The following FMN1 variants were observed in gnomAD, a reference collection of about 807,000 sequenced individuals.
FMN1 encodes the protein formin-1.
In FMN1, 110 loss-of-function variants were observed where a neutral mutation model predicts 132.4. That is an observed-to-expected ratio of 0.83 (90% CI 0.71 to 0.97). The LOEUF is 0.97. Ranked by LOEUF, FMN1 falls within the 50% of genes least tolerant of loss-of-function variation. FMN1 has a pLI of 0.00. For missense variants in FMN1, 1,792 were observed against 1,705.3 expected (o/e 1.05, Z -0.90); for synonymous variants, 722 against 651.7 (o/e 1.11, Z -1.64).
At position 32,804,305 on chromosome 15, in the gene FMN1, C is replaced by G; in HGVS notation, c.3956G>C (p.Ser1319Thr). Residue 1319 changes from serine (S) to threonine (T), a missense_variant, in exon 18 of 21, where the codon AGT becomes ACT. Physicochemically the swap from Ser to Thr is moderately conservative, Grantham distance 58. Coordinates refer to ENST00000616417, the MANE Select transcript of FMN1 (RefSeq NM_001277313.2). ...CCTTTTCTGTGCATTCTCCAAGTGA[C>G]TTTCTTCCATCTTATGCTCTTTTTT... ...KAKKEHKMEESHLENAQKSFE... is the reference protein window; with the variant it reads ...KAKKEHKMEETHLENAQKSFE... 1 of 1,568,616 alleles carries G rather than the reference C, an allele frequency of 6.4e-7. No individual in the cohort carries two copies.
chr15:32,820,518 CAT>C (rs111363062), intron 17 of FMN1, among the ~76,000 whole-genome samples: 8,966 of 151,628 alleles, frequency 0.059, 526 homozygotes, highest in African/African-American at 0.15. Flanking sequence ...TCCCCCAACA[CAT>C]ATATATATAT....
intron 12 of FMN1, among the ~76,000 whole-genome samples, chr15:32,904,254 T>C (rs904371099): frequency 1.3e-5 from 2 of 152,072 alleles, no homozygotes; most frequent in African/African-American, 4.8e-5. Flanking sequence ...CGGAGCCCTG[T>C]GATGCTCACG....
At chr15:32,841,587 C>T (rs1329810332) in intron 17 of FMN1, among the ~76,000 whole-genome samples, 4 of 152,126 alleles carry the variant, frequency 2.6e-5, no homozygotes, top group Admixed American at 6.6e-5. Context: ...ATATTAAAGT[C>T]CTAGGAAATA....
chr15:32,932,146 C>A (rs1190943863), intron 9 of FMN1, among the ~76,000 whole-genome samples: 1 of 152,110 alleles, frequency 6.6e-6, no homozygotes, highest in Non-Finnish European at 1.5e-5. Flanking sequence ...TGCCTGTAAT[C>A]CCAGCACTTT....
chr15:32,880,847 GT>G (rs2059752869), intron 16 of FMN1, among the ~76,000 whole-genome samples: 1 of 152,150 alleles, frequency 6.6e-6, no homozygotes. Context: ...CTAGAAGGGG[GT>G]GAGCTTTTCT....
At chr15:33,073,974 GC>G (rs2038098910) in intron 5 of FMN1, among the ~76,000 whole-genome samples, 3 of 152,204 alleles carry the variant, frequency 2.0e-5, no homozygotes, top group African/African-American at 7.2e-5. Context: ...CAAGTAATCT[GC>G]CCACCTCGGC....
intron 15 of FMN1, among the ~76,000 whole-genome samples, chr15:32,898,050 G>C (rs1054741501): frequency 6.6e-6 from 1 of 152,180 alleles, no homozygotes; most frequent in Admixed American, 6.5e-5. Flanking sequence ...CAGGAGGGTA[G>C]AAGAAAGTAT....
intron 9 of FMN1, among the ~76,000 whole-genome samples, chr15:32,957,314 T>A (rs1212738246): frequency 6.8e-6 from 1 of 146,152 alleles, no homozygotes; most frequent in Non-Finnish European, 1.5e-5. Flanking sequence ...TTTTTTTTTT[T>A]TTTTTTTTTT....
chr15:32,930,784 A>G (rs1374955416), intron 9 of FMN1, among the ~76,000 whole-genome samples: 1 of 151,994 alleles, frequency 6.6e-6, no homozygotes, highest in Non-Finnish European at 1.5e-5. Context: ...TCAATTTTAG[A>G]GGACTTTTCC....
chr15:32,945,932 T>C (rs193021433), intron 9 of FMN1, among the ~76,000 whole-genome samples: 45 of 152,336 alleles, frequency 3.0e-4, no homozygotes, highest in African/African-American at 8.4e-4. Flanking sequence ...TTTGCCGCCA[T>C]TGCCATAATG....
chr15:32,898,016 T>C (rs541060501), intron 15 of FMN1, among the ~76,000 whole-genome samples: 4 of 152,242 alleles, frequency 2.6e-5, no homozygotes, highest in Admixed American at 1.3e-4. Flanking sequence ...TGTAGGTATA[T>C]TGAAAATAGT....
At chr15:33,045,578 A>C (rs1296768157) in intron 6 of FMN1, among the ~76,000 whole-genome samples, 1 of 152,192 alleles carries the variant, frequency 6.6e-6, no homozygotes, top group Non-Finnish European at 1.5e-5. Context: ...AAGTTTCTTC[A>C]TGCAAATTTC....
rs370912908 is a variant in FMN1, at chr15:32,988,693, C to T, written c.2224-19216G>A. On this transcript the variant is annotated intron_variant, in intron 7 of 20. Transcript: ENST00000616417. ...TTGTTGCTAACTAGAAGTAACCAGA[C>T]GGTGAATCTTACAGGGTGGCCAACT... 5.9e-5 allele frequency among the ~76,000 whole-genome samples: 9 copies of T among 152,298 alleles called. No individual in the cohort carries two copies. In the South Asian group the frequency reaches 8.3e-4, roughly 14 times the overall value.
At chr15:32,869,237 A>G (rs1386957507) in intron 16 of FMN1, among the ~76,000 whole-genome samples, 1 of 152,202 alleles carries the variant, frequency 6.6e-6, no homozygotes, top group Non-Finnish European at 1.5e-5. Context: ...TGTAAAGGAA[A>G]GAGTGTGCGT....
At chr15:33,031,707 C>T (rs968959314) in intron 6 of FMN1, among the ~76,000 whole-genome samples, 4 of 152,218 alleles carry the variant, frequency 2.6e-5, no homozygotes, top group African/African-American at 9.6e-5. Flanking sequence ...GCTCCATTCC[C>T]TCTGGCTCTC....
chr15:33,110,288 A>G (rs927206948), intron 4 of FMN1, among the ~76,000 whole-genome samples: 2 of 152,092 alleles, frequency 1.3e-5, no homozygotes, highest in East Asian at 3.9e-4. Context: ...AGAATTGTTC[A>G]CAATAACTGA....
At chr15:32,950,581 C>T (rs2061629515) in intron 9 of FMN1, among the ~76,000 whole-genome samples, 1 of 152,088 alleles carries the variant, frequency 6.6e-6, no homozygotes, top group Non-Finnish European at 1.5e-5. Context: ...AGTAAACTAA[C>T]ATAGGAACAG....
intron 17 of FMN1, among the ~76,000 whole-genome samples, chr15:32,828,346 A>G (rs1395780975): frequency 6.6e-6 from 1 of 152,250 alleles, no homozygotes; most frequent in Non-Finnish European, 1.5e-5. Context: ...GCAGAATGGT[A>G]AGCCCAATAT....
rs376468670 is a variant in FMN1 at position 33,128,782 on chromosome 15, G to A, written c.1867+24266C>T. On this transcript the variant is annotated intron_variant, in intron 4 of 20. Transcript: ENST00000616417. ...CCTTAAAAGTGGTATGGACCCAAACGGTGAGCAGCAGCAAGATTTACTGTC... is the reference window on the plus strand; with the variant it reads ...CCTTAAAAGTGGTATGGACCCAAACAGTGAGCAGCAGCAAGATTTACTGTC... Among the ~76,000 whole-genome samples the A allele has an allele frequency of 1.4e-4, 21 of 152,322 alleles. 1 individual carries two copies. The South Asian group carries it at 3.3e-3, about 24-fold the overall frequency.
Sources: allele counts gnomAD v4.1 joint callset (sites outside exome capture counted in the v4.1 genomes callset), GRCh38; gene constraint gnomAD v4.1.1; transcripts MANE v1.5; gene names NCBI Gene and HGNC (gene_info 2026-07-23, HGNC 2026-07-21).